MTDH: variants seen among roughly 807,000 people sequenced by gnomAD.
MTDH encodes the protein metadherin, also known as protein LYRIC.
Under a neutral mutation model 72.7 loss-of-function variants are expected in MTDH, and 34 were observed. The observed-to-expected ratio is 0.47, with a 90% CI of 0.36 to 0.62. MTDH has a LOEUF of 0.62. Among genes scored for constraint, MTDH ranks in the 20% least tolerant of loss-of-function variants. The pLI is 0.00. For synonymous variants in MTDH, 266 were observed against 268.9 expected, an observed-to-expected ratio of 0.99 and a Z score of 0.10; for missense variants, 677 against 699.4, an observed-to-expected ratio of 0.97 and a Z score of 0.36.
At chr8:97,665,653 AAG>A (rs1812352613) in intron 2 of MTDH, among the ~76,000 whole-genome samples, 1 of 152,198 alleles carries the variant, frequency 6.6e-6, no homozygotes, top group Admixed American at 6.6e-5. Flanking sequence ...TTTAGAAGGG[AAG>A]AGAAACAAAT....
At chr8:97,724,143 G>C (rs1271208638) in intron 11 of MTDH, among the ~76,000 whole-genome samples, 1 of 152,184 alleles carries the variant, frequency 6.6e-6, no homozygotes, top group Admixed American at 6.6e-5. Context: ...CTCTGAAGGA[G>C]AGAATACATT....
In MTDH at chr8:97,713,694, A is replaced by T. The variant is rs1305061514; in HGVS notation, c.1305A>T (p.Gly435=). Residue 435 remains glycine (G), a synonymous_variant, in exon 9 of 12, where the codon GGA becomes GGT. Transcript: ENST00000336273. ...ATGATGATAAAGAAAAGGGAGAGGG[A>T]GCTCTTCCAACTGGGAAATCCAAAA... ...VSDDDKEKGE[G]ALPTGKSKKK... 1 of 1,608,200 alleles carries T rather than the reference A, an allele frequency of 6.2e-7. No homozygotes were observed. The highest frequency in any genetic ancestry group is 8.5e-7 in the Non-Finnish European group (1 of 1,178,010).
chr8:97,687,127 C>T (rs1258245779), intron 3 of MTDH, among the ~76,000 whole-genome samples: 1 of 152,056 alleles, frequency 6.6e-6, no homozygotes, highest in African/African-American at 2.4e-5. Flanking sequence ...ATACTCCTGT[C>T]ACTTCTACCT....
At chr8:97,665,843 C>G (rs984920744) in intron 2 of MTDH, among the ~76,000 whole-genome samples, 2 of 152,106 alleles carry the variant, frequency 1.3e-5, no homozygotes, top group Admixed American at 6.6e-5. Context: ...TTGTAAAGAT[C>G]TGGCCGGGCG....
chr8:97,684,732 C>T (rs1405705849), intron 2 of MTDH, among the ~76,000 whole-genome samples: 2 of 152,120 alleles, frequency 1.3e-5, no homozygotes, highest in African/African-American at 2.4e-5. Flanking sequence ...AAAAGAGGAG[C>T]TGGGAGTAAA....
At chr8:97,721,165 G>A (rs1815106207) in intron 10 of MTDH, among the ~76,000 whole-genome samples, 1 of 152,150 alleles carries the variant, frequency 6.6e-6, no homozygotes, top group South Asian at 2.1e-4. Context: ...CTCAGGGCCA[G>A]CCATGGTGGC....
intron 6 of MTDH, among the ~76,000 whole-genome samples, chr8:97,693,562 A>C (rs1476927960): frequency 6.6e-6 from 1 of 152,074 alleles, no homozygotes; most frequent in Non-Finnish European, 1.5e-5. Flanking sequence ...TCCTGACCTC[A>C]TGATTCACCT....
At chr8:97,713,851 A>G (rs773782821) in intron 9 of MTDH, 82 bp downstream of exon 9, 16 of 725,290 alleles carry the variant, frequency 2.2e-5, no homozygotes, top group Non-Finnish European at 3.0e-5. Flanking sequence ...TTAAAAATAC[A>G]TAGAGATAAA....
chr8:97,662,083 T>C (rs932657561), intron 2 of MTDH, among the ~76,000 whole-genome samples: 4 of 152,128 alleles, frequency 2.6e-5, no homozygotes, highest in Non-Finnish European at 5.9e-5. Flanking sequence ...CTTGACTTAA[T>C]CTAGCTTGGA....
intron 7 of MTDH, among the ~76,000 whole-genome samples, chr8:97,705,910 A>G (rs1814331159): frequency 6.6e-6 from 1 of 152,242 alleles, no homozygotes; most frequent in Non-Finnish European, 1.5e-5. Flanking sequence ...AGCTTCCTCA[A>G]GGAGTTAAAA....
intron 1 of MTDH, among the ~76,000 whole-genome samples, chr8:97,654,782 C>T (rs1420950954): frequency 6.6e-6 from 1 of 152,102 alleles, no homozygotes; most frequent in African/African-American, 2.4e-5. Context: ...CTCCTGTATG[C>T]TCAGTATCAC....
At position 97,725,814 on chromosome 8, in the gene MTDH, A is replaced by C. The variant is rs765353176; in HGVS notation, c.*1144A>C. 6.6e-6 allele frequency: 1 copy of C among 152,634 alleles called. No homozygotes were observed. The highest frequency in any genetic ancestry group is 1.5e-5 in the Non-Finnish European group (1 of 68,040). The allele number at this position is 152,634 out of a possible 1,614,324, so 9.5% of individuals were successfully genotyped here. A position where few individuals can be genotyped will look rare whatever the true frequency, so the allele number is the denominator to read the frequency against. On this transcript the variant is annotated 3_prime_UTR_variant, in exon 12 of 12. Transcript: ENST00000336273. ...GTGAGATGTTTCACCATTTTCAGGC[A>C]CTGTGTAATTCTATTGTAATAAACT...
chr8:97,664,997 G>A (rs574737616), intron 2 of MTDH, among the ~76,000 whole-genome samples: 2 of 152,272 alleles, frequency 1.3e-5, no homozygotes, highest in South Asian at 2.1e-4. Context: ...CCTGACCTCA[G>A]GTGATCTGCC....
chr8:97,660,942 G>T (rs930794251), intron 1 of MTDH, 130 bp from the exon 2 acceptor site: 6 of 501,328 alleles, frequency 1.2e-5, no homozygotes, highest in Non-Finnish European at 2.2e-5. Flanking sequence ...TAACATTGGT[G>T]TACAAAAACT....
intron 2 of MTDH, among the ~76,000 whole-genome samples, chr8:97,666,761 G>A (rs367653507): frequency 2.8e-4 from 42 of 152,058 alleles, no homozygotes; most frequent in African/African-American, 1.0e-3. Flanking sequence ...GCAGTGGCAC[G>A]ATCTCACTCA....
chr8:97,681,938 G>A (rs1193941351), intron 2 of MTDH, among the ~76,000 whole-genome samples: 2 of 151,738 alleles, frequency 1.3e-5, no homozygotes, highest in African/African-American at 4.8e-5. Context: ...TATAAATCTT[G>A]GTTGTATGAA....
chr8:97,675,558 T>TAA (rs1283040715), intron 2 of MTDH, among the ~76,000 whole-genome samples: 2 of 94,160 alleles, frequency 2.1e-5, no homozygotes, highest in African/African-American at 1.1e-4. Context: ...AGACTCTGTC[T>TAA]CAAAAAAAAA....
intron 8 of MTDH, among the ~76,000 whole-genome samples, chr8:97,710,595 G>A (rs1043634557): frequency 6.0e-4 from 90 of 150,660 alleles, no homozygotes; most frequent in Admixed American, 4.7e-4. Flanking sequence ...CTACTTGGGA[G>A]GCTGAGGCAC....
chr8:97,687,753 A>G (rs1813425095), intron 4 of MTDH, 148 bp downstream of exon 4: 3 of 645,604 alleles, frequency 4.6e-6, no homozygotes, highest in Non-Finnish European at 7.2e-6. Flanking sequence ...ATTGTGAACC[A>G]TGTATCGGTT....
Sources: gnomAD v4.1 joint callset for allele counts (sites outside exome capture counted in the v4.1 genomes callset) on GRCh38, gnomAD v4.1.1 for gene constraint, MANE v1.5 for transcripts, NCBI Gene and HGNC (gene_info 2026-07-23, HGNC 2026-07-21) for gene names.